Variants in RCN1 observed in about 807,000 individuals in gnomAD.
RCN1 encodes reticulocalbin-1.
A neutral mutation model predicts 34.7 loss-of-function variants in RCN1; 14 were observed. That is an observed-to-expected ratio of 0.40 (90% CI 0.27 to 0.63). The LOEUF is 0.63. Ranked by LOEUF, RCN1 falls within the 30% of genes least tolerant of loss-of-function variation. RCN1 has a pLI of 0.37. For synonymous variants in RCN1, 125 were observed against 165.5 expected (o/e 0.76, Z 1.88); for missense variants, 326 against 425.1 (o/e 0.77, Z 2.05).
At chr11:32,098,665 C>G (rs1199662369) in intron 3 of RCN1, 137 bp downstream of exon 3, 3 of 713,368 alleles carry the variant, frequency 4.2e-6, no homozygotes, top group Non-Finnish European at 6.8e-6. Context: ...TTGTTGGAAT[C>G]CCCGTCTACC....
intron 1 of RCN1, among the ~76,000 whole-genome samples, chr11:32,096,033 TTC>T (rs753115508): frequency 6.6e-6 from 1 of 152,218 alleles, no homozygotes; most frequent in Non-Finnish European, 1.5e-5. Flanking sequence ...ATAGGAGATT[TTC>T]TCTGTCAAAC....
chr11:32,103,360 G>T lies in RCN1; in HGVS notation c.768G>T (p.Arg256=), dbSNP rs1423097761. 1.2e-6 allele frequency: 2 copies of T among 1,613,580 alleles called. No individual in the cohort carries two copies. Among genetic ancestry groups the T allele is most frequent in the East Asian group, 2.2e-5 (1 of 44,878 alleles). ...LSEREQFNEF[R]DLNKDGKLDK... is the part of the protein sequence containing the mutation. ...AACGGGAGCAGTTTAACGAATTCCGGGATCTGAACAAGGACGGGAAGTTAG... is the reference window on the plus strand; with the variant it reads ...AACGGGAGCAGTTTAACGAATTCCGTGATCTGAACAAGGACGGGAAGTTAG... The change falls in exon 5 of 6, where the codon CGG becomes CGT. Residue 256 remains arginine, a synonymous_variant. Transcript: ENST00000054950.
rs990834368 is a variant in RCN1, at chr11:32,097,026, T to G, written c.255-118T>G. 1.1e-5 allele frequency: 8 copies of G among 730,766 alleles called. 1 individual carries two copies. The highest frequency in any genetic ancestry group is 1.1e-4 in the African/African-American group (6 of 55,568). The allele number at this position is 730,766 out of a possible 1,614,324, so 45.3% of individuals were successfully genotyped here. A position where few individuals can be genotyped will look rare whatever the true frequency, so the allele number is the denominator to read the frequency against. On this transcript the variant is annotated intron_variant, in intron 1 of 5. Coordinates refer to ENST00000054950, the MANE Select transcript of RCN1 (RefSeq NM_002901.4). ...TCATTGATTCTGTTGTAGTTGTATG[T>G]GCATTTTGGATTGTGCAGGTGTTTG...
Position 32,091,404 on chromosome 11 carries a change from A to G in RCN1, c.208A>G (p.Lys70Glu). 6.5e-7 allele frequency: 1 copy of G among 1,549,148 alleles called. No homozygotes were observed. The highest frequency in any genetic ancestry group is 8.7e-7 in the Non-Finnish European group (1 of 1,146,144). ...HEAFLGKEDSKTFDQLTPDES... is the reference protein window; with the variant it reads ...HEAFLGKEDSETFDQLTPDES... Reference sequence around the variant, plus strand: ...GGCCTTCCTGGGCAAGGAGGACTCCAAGACCTTCGACCAGCTCACCCCGGA... The same window carrying G: ...GGCCTTCCTGGGCAAGGAGGACTCCGAGACCTTCGACCAGCTCACCCCGGA... The change falls in exon 1 of 6, where the codon AAG (lysine) becomes GAG (glutamate). Residue 70 changes from lysine (K) to glutamate (E), a missense_variant. Physicochemically the swap from Lys to Glu is moderately conservative, Grantham distance 56. Coordinates refer to ENST00000054950, the MANE Select transcript of RCN1 (RefSeq NM_002901.4).
chr11:32,100,619 A>G lies in RCN1; in HGVS notation c.688+11A>G. ...AGGATGAGTATATTGGTGAGTACTG[A>G]CCTAGAGTCTTGCTCAGCTGTCCTG... On this transcript the variant is annotated intron_variant, in intron 4 of 5. Coordinates refer to ENST00000054950, the MANE Select transcript of RCN1 (RefSeq NM_002901.4). 6.2e-7 allele frequency: 1 copy of G among 1,611,322 alleles called. No individual in the cohort carries two copies. The highest frequency in any genetic ancestry group is 1.1e-5 in the South Asian group (1 of 90,984).
In RCN1 at chr11:32,103,238, C is replaced by T. The variant is rs1260566240; in HGVS notation, c.689-43C>T. ...TTTTATGGGGGTGGGGGAGGTTTAC[C>T]TTCCCACTTTCCTTTGTAACCAACA... On this transcript the variant is annotated intron_variant, in intron 4 of 5. Transcript: ENST00000054950. The T allele has an allele frequency of 1.9e-6, 3 of 1,591,860 alleles. No homozygotes were observed. In the South Asian group the frequency reaches 3.3e-5, roughly 18 times the overall value.
rs538986034 is a variant in RCN1, at chr11:32,104,676, C to T, written c.*204C>T. ...TTTCAGTAAGATTTCTCTCAAAACA[C>T]GTGAAAACCTTGGTAAATTGCAATT... On this transcript the variant is annotated 3_prime_UTR_variant, in exon 6 of 6. Coordinates refer to ENST00000054950, the MANE Select transcript of RCN1 (RefSeq NM_002901.4). The T allele has an allele frequency of 1.7e-5, 8 of 472,986 alleles. No individual in the cohort carries two copies. The East Asian group carries it at 2.8e-4, about 17-fold the overall frequency. 29.3% of individuals were successfully genotyped at this position (472,986 alleles called of 1,614,324 possible).
intron 1 of RCN1, among the ~76,000 whole-genome samples, chr11:32,092,615 G>A (rs966818299): frequency 1.2e-4 from 18 of 152,144 alleles, no homozygotes; most frequent in African/African-American, 4.3e-4. Context: ...CCCTCCCCGG[G>A]TCCCCTGAGG....
At position 32,097,180 on chromosome 11, in the gene RCN1, C is replaced by T; in HGVS notation, c.291C>T (p.Gly97=). The T allele has an allele frequency of 3.8e-6, 6 of 1,560,560 alleles. No individual in the cohort carries two copies. The highest frequency in any genetic ancestry group is 5.2e-6 in the Non-Finnish European group (6 of 1,160,616). The part of the protein sequence containing the change: ...IVDRIDNDGD[G]FVTTEELKTW... The stretch of plus-strand genomic sequence containing the variant: ...ATCGAATCGACAATGATGGGGATGG[C>T]TTTGTCACTACTGAGGAGCTGAAAA... The change falls in exon 2 of 6, where the codon GGC becomes GGT. Residue 97 remains glycine, a synonymous_variant. Transcript: ENST00000054950.
At chr11:32,100,688 AG>A in intron 4 of RCN1, 80 bp downstream of exon 4, 1 of 1,157,084 alleles carries the variant, frequency 8.6e-7, no homozygotes, top group Admixed American at 1.8e-5. Flanking sequence ...TACTTTCCCC[AG>A]ACGTCTCTTT....
At chr11:32,099,090 C>T (rs990054333) in intron 3 of RCN1, among the ~76,000 whole-genome samples, 3 of 152,102 alleles carry the variant, frequency 2.0e-5, no homozygotes, top group Non-Finnish European at 4.4e-5. Flanking sequence ...GAGGCCGAGG[C>T]AGGCGGATCA....
At chr11:32,103,534 T>C in intron 5 of RCN1, 54 bp downstream of exon 5, 1 of 1,536,524 alleles carries the variant, frequency 6.5e-7, no homozygotes, top group South Asian at 1.1e-5. Flanking sequence ...TTACATAAGA[T>C]CGGTTTTGTT....
intron 4 of RCN1, among the ~76,000 whole-genome samples, chr11:32,101,634 A>G (rs1300832374): frequency 6.6e-6 from 1 of 152,164 alleles, no homozygotes; most frequent in African/African-American, 2.4e-5. Context: ...TGAGCCAAAC[A>G]CTGTTCCTTG....
At chr11:32,099,281 A>G (rs1852008321) in intron 3 of RCN1, among the ~76,000 whole-genome samples, 1 of 151,898 alleles carries the variant, frequency 6.6e-6, no homozygotes, top group South Asian at 2.1e-4. Context: ...AGATCGTGCC[A>G]TTGCACTCCA....
intron 1 of RCN1, among the ~76,000 whole-genome samples, chr11:32,094,688 A>C (rs1851953861): frequency 6.6e-6 from 1 of 152,204 alleles, no homozygotes; most frequent in African/African-American, 2.4e-5. Context: ...GTCTTTAGTG[A>C]GGAAAAGCAT....
chr11:32,103,282 G>A lies in RCN1; in HGVS notation c.690G>A (p.Ala230=), dbSNP rs781222739. 13 of 1,613,698 alleles carry A rather than the reference G, an allele frequency of 8.1e-6. No individual in the cohort carries two copies. The highest frequency in any genetic ancestry group is 5.3e-5 in the African/African-American group (4 of 74,900). ...ACCAACAATAACCTTCCCTTCTAGC[G>A]GATATGTTTTCCCATGAGGAGAATG... ...DGFVDQDEYI[A]DMFSHEENGP... is the part of the protein sequence containing the mutation. The change falls in exon 5 of 6, where the codon GCG becomes GCA. Residue 230 remains alanine (A), a splice_region_variant and synonymous_variant. Coordinates refer to ENST00000054950, the MANE Select transcript of RCN1 (RefSeq NM_002901.4).
intron 3 of RCN1, among the ~76,000 whole-genome samples, chr11:32,099,767 AC>A (rs1852014673): frequency 6.6e-6 from 1 of 152,104 alleles, no homozygotes; most frequent in African/African-American, 2.4e-5. Context: ...GGAAGGGTCC[AC>A]TCATGCTTCA....
chr11:32,091,481 C>T (rs758082045), intron 1 of RCN1, 31 bp downstream of exon 1: 92 of 1,534,892 alleles, frequency 6.0e-5, no homozygotes, highest in Non-Finnish European at 7.8e-5. Flanking sequence ...CCGTGGGGGG[C>T]GGCGCAGGTG....
At chr11:32,096,195 T>G (rs1379868328) in intron 1 of RCN1, among the ~76,000 whole-genome samples, 1 of 152,216 alleles carries the variant, frequency 6.6e-6, no homozygotes. Context: ...CTGTATGACC[T>G]CCTCCCAGAT....
Sources: gnomAD v4.1 joint callset for allele counts (sites outside exome capture counted in the v4.1 genomes callset) on GRCh38, gnomAD v4.1.1 for gene constraint, MANE v1.5 for transcripts, NCBI Gene and HGNC (gene_info 2026-07-23, HGNC 2026-07-21) for gene names.